The following COBLL1 variants were observed in gnomAD, a reference collection of about 807,000 sequenced individuals.
COBLL1 encodes cordon-bleu protein-like 1.
In COBLL1, 50 loss-of-function variants were observed where a neutral mutation model predicts 94.8. The ratio of observed to expected loss-of-function variants is 0.53; its 90% CI spans 0.42 to 0.67. The LOEUF (loss-of-function observed/expected upper bound fraction) is 0.67. Ranked by LOEUF, COBLL1 falls within the 30% of genes least tolerant of loss-of-function variation. The pLI is 0.00. For synonymous variants in COBLL1, 448 were observed against 473.8 expected, an observed-to-expected ratio of 0.95 and a Z score of 0.71; for missense variants, 1,362 against 1,348.7, an observed-to-expected ratio of 1.01 and a Z score of -0.15.
At chr2:164,792,313 T>C (rs1158306278) in intron 2 of COBLL1, among the ~76,000 whole-genome samples, 2 of 151,710 alleles carry the variant, frequency 1.3e-5, no homozygotes, top group Non-Finnish European at 2.9e-5. Context: ...ATTTTTTGTA[T>C]AGATGGGGTC....
At chr2:164,728,273 G>A in intron 4 of COBLL1, 76 bp from the exon 5 acceptor site, 1 of 887,664 alleles carries the variant, frequency 1.1e-6, no homozygotes. Context: ...CTAGAATAAT[G>A]AGATAACCTA....
At chr2:164,786,144 T>C (rs190777705) in intron 2 of COBLL1, among the ~76,000 whole-genome samples, 2 of 152,324 alleles carry the variant, frequency 1.3e-5, no homozygotes, top group East Asian at 1.9e-4. Context: ...AATATTTTCA[T>C]ACGTGGATCA....
At chr2:164,842,053 G>A (rs1239971848), upstream of COBLL1, 1 of 1,528,662 alleles carries the variant, frequency 6.5e-7, no homozygotes. Context: ...ATTGGAGCGA[G>A]GGAAGCAGCG....
At chr2:164,779,621 C>A (rs199537887) in intron 2 of COBLL1, 26 of 469,468 alleles carry the variant, frequency 5.5e-5, no homozygotes, top group Admixed American at 1.6e-4. Flanking sequence ...TTCCCAGCCT[C>A]CCACAGATTC....
rs75758475 is a variant in COBLL1, at chr2:164,809,489, C to T, written c.41+31667G>A. On this transcript the variant is annotated intron_variant, in intron 2 of 13. Coordinates refer to ENST00000652658, the MANE Select transcript of COBLL1 (RefSeq NM_001365672.2). ...TCTAAAATTCTGTATGATTCATTGC[C>T]TAAGCTAAATGACAAATAGCTCAAA... is the stretch of plus-strand genomic sequence containing the variant. Among the ~76,000 whole-genome samples the T allele has an allele frequency of 1.7e-3, 251 of 151,990 alleles. 2 individuals carry two copies. The highest frequency in any genetic ancestry group is 6.8e-3 in the Middle Eastern group (2 of 294).
chr2:164,832,456 T>C (rs538640158), intron 2 of COBLL1, among the ~76,000 whole-genome samples: 2 of 152,290 alleles, frequency 1.3e-5, no homozygotes, highest in South Asian at 4.1e-4. Context: ...TCGATCCTAT[T>C]TAAAGTCAAC....
At chr2:164,754,261 G>A (rs1327238633) in intron 2 of COBLL1, among the ~76,000 whole-genome samples, 1 of 152,024 alleles carries the variant, frequency 6.6e-6, no homozygotes, top group Non-Finnish European at 1.5e-5. Context: ...TACCATGGTG[G>A]GCCTTCTCTA....
chr2:164,726,528 T>C (rs1231256501), intron 5 of COBLL1, among the ~76,000 whole-genome samples: 7 of 152,146 alleles, frequency 4.6e-5, no homozygotes, highest in Non-Finnish European at 8.8e-5. Flanking sequence ...AAAAATCACA[T>C]ACCATAACCC....
At chr2:164,698,090 G>A (rs1282309959) in intron 11 of COBLL1, 2 of 151,974 alleles carry the variant, frequency 1.3e-5, no homozygotes, top group Non-Finnish European at 2.9e-5. Flanking sequence ...AAAGTACTAC[G>A]TAAATGTACT....
chr2:164,684,024 G>A lies in COBLL1; in HGVS notation c.*1922C>T, dbSNP rs912306063. 6.6e-6 allele frequency: 1 copy of A among 152,086 alleles called. No individual in the cohort carries two copies. The highest frequency in any genetic ancestry group is 2.4e-5 in the African/African-American group (1 of 41,426). The allele number at this position is 152,086 out of a possible 1,614,324, so 9.4% of individuals were successfully genotyped here. ...TTGCAGAACTGGTAGTTATGCCAGT[G>A]TATTTTCCCACCAACAGTAGAGTTC... is the stretch of plus-strand genomic sequence containing the variant. On this transcript the variant is annotated 3_prime_UTR_variant, in exon 14 of 14. Transcript: ENST00000652658.
rs1468708538 is a variant in COBLL1 at position 164,681,722 on chromosome 2, T to C, written c.*4224A>G. ...TCTTTTTGAAAACTATACATTTGTT[T>C]GCAACTGTAGCATTTTTTTTCTTCT... On this transcript the variant is annotated 3_prime_UTR_variant, in exon 14 of 14. Coordinates refer to ENST00000652658, the MANE Select transcript of COBLL1 (RefSeq NM_001365672.2). The C allele has an allele frequency of 6.6e-6, 1 of 152,212 alleles. No homozygotes were observed. Among genetic ancestry groups the C allele is most frequent in the African/African-American group, 2.4e-5 (1 of 41,452 alleles). The allele number at this position is 152,212 out of a possible 1,614,324, so 9.4% of individuals were successfully genotyped here.
At chr2:164,774,507 G>C (rs994517653) in intron 2 of COBLL1, among the ~76,000 whole-genome samples, 1 of 152,200 alleles carries the variant, frequency 6.6e-6, no homozygotes, top group African/African-American at 2.4e-5. Flanking sequence ...ATCAAATGCA[G>C]ACTATTCTAA....
chr2:164,821,125 G>A (rs571883508), intron 2 of COBLL1, among the ~76,000 whole-genome samples: 11 of 152,090 alleles, frequency 7.2e-5, no homozygotes, highest in Admixed American at 2.6e-4. Flanking sequence ...CTCACCTCAT[G>A]ATCCACTCGC....
At chr2:164,835,458 A>G (rs1344226389) in intron 2 of COBLL1, among the ~76,000 whole-genome samples, 2 of 152,218 alleles carry the variant, frequency 1.3e-5, no homozygotes, top group Admixed American at 6.5e-5. Context: ...AAAATCAGAG[A>G]CAAAGTAGAA....
intron 1 of COBLL1, among the ~76,000 whole-genome samples, chr2:164,666,545 C>A (rs921803682): frequency 1.3e-5 from 2 of 152,130 alleles, no homozygotes; most frequent in African/African-American, 4.8e-5. Context: ...CTAACAAACT[C>A]TTCCTTTCAC....
intron 2 of COBLL1, among the ~76,000 whole-genome samples, chr2:164,823,657 C>T (rs545100579): frequency 6.6e-6 from 1 of 152,336 alleles, no homozygotes; most frequent in East Asian, 1.9e-4. Flanking sequence ...TCATAGATGA[C>T]TTCTCGTTTT....
intron 2 of COBLL1, among the ~76,000 whole-genome samples, chr2:164,839,384 G>A (rs551663617): frequency 7.3e-4 from 80 of 110,214 alleles, no homozygotes; most frequent in African/African-American, 2.9e-3. Flanking sequence ...CTTGAAGCCT[G>A]GGGTTTCGGA....
intron 2 of COBLL1, among the ~76,000 whole-genome samples, chr2:164,819,203 C>T (rs1483403975): frequency 1.3e-5 from 2 of 152,032 alleles, no homozygotes; most frequent in East Asian, 1.9e-4. Flanking sequence ...AATTAAAATG[C>T]TAAAAATGTT....
At chr2:164,780,881 T>C (rs1181806879) in intron 2 of COBLL1, among the ~76,000 whole-genome samples, 1 of 152,178 alleles carries the variant, frequency 6.6e-6, no homozygotes, top group Non-Finnish European at 1.5e-5. Flanking sequence ...GGAGTAAATG[T>C]AATTCTCAGT....
Sources: gnomAD v4.1 joint callset for allele counts (sites outside exome capture counted in the v4.1 genomes callset) on GRCh38, gnomAD v4.1.1 for gene constraint, MANE v1.5 for transcripts, NCBI Gene and HGNC (gene_info 2026-07-23, HGNC 2026-07-21) for gene names.